The following MINDY4 variants were observed in gnomAD, a reference collection of about 807,000 sequenced individuals.
MINDY4 encodes the protein MINDY lysine 48 deubiquitinase 4, also known as probable ubiquitin carboxyl-terminal hydrolase MINDY-4.
In MINDY4, 68 loss-of-function variants were observed where a neutral mutation model predicts 87.0. The observed-to-expected ratio is 0.78, with a 90% CI of 0.64 to 0.96. The LOEUF (loss-of-function observed/expected upper bound fraction) is 0.96, where lower values mean the gene tolerates loss of function less well. Ranked by LOEUF, MINDY4 falls within the 40% of genes least tolerant of loss-of-function variation. The pLI, the probability that MINDY4 is intolerant of heterozygous loss-of-function variation, is 0.00. For synonymous variants in MINDY4, 379 were observed against 363.2 expected, an observed-to-expected ratio of 1.04 and a Z score of -0.50; for missense variants, 919 against 928.2, an observed-to-expected ratio of 0.99 and a Z score of 0.13.
In MINDY4 at chr7:30,875,551, G is replaced by C. The variant is rs1562563466; in HGVS notation, c.1866G>C (p.Val622=). The C allele has an allele frequency of 1.2e-6, 2 of 1,614,224 alleles. No homozygotes were observed. The highest frequency in any genetic ancestry group is 1.7e-6 in the Non-Finnish European group (2 of 1,180,046). Residue 622 remains valine, a synonymous_variant, in exon 15 of 18, where the codon GTG becomes GTC. Coordinates refer to ENST00000265299, the MANE Select transcript of MINDY4 (RefSeq NM_032222.3). Reference sequence around the variant, plus strand: ...CTGTGTCCAACGTTTTCAACGATGTGGTTGAGCTGGATTCTGGGGATGGGA... The same window carrying C: ...CTGTGTCCAACGTTTTCAACGATGTCGTTGAGCTGGATTCTGGGGATGGGA... ...GKAVSNVFND[V]VELDSGDGNI...
intron 9 of MINDY4, among the ~76,000 whole-genome samples, chr7:30,846,200 C>T (rs544371148): frequency 6.6e-6 from 1 of 152,160 alleles, no homozygotes; most frequent in Non-Finnish European, 1.5e-5. Context: ...CTTTCTACCC[C>T]CTATTGCAGC....
At chr7:30,878,207 G>A (rs1038297625) in intron 15 of MINDY4, among the ~76,000 whole-genome samples, 7 of 152,088 alleles carry the variant, frequency 4.6e-5, no homozygotes, top group African/African-American at 4.8e-5. Context: ...GGGCCATGAC[G>A]TCCGCAGCGT....
chr7:30,891,086 A>G (rs965966972), intron 17 of MINDY4, among the ~76,000 whole-genome samples: 1 of 152,208 alleles, frequency 6.6e-6, no homozygotes, highest in African/African-American at 2.4e-5. Context: ...TACTTTGAAA[A>G]GCATTTATGA....
At chr7:30,831,700 T>C (rs567563826) in intron 6 of MINDY4, among the ~76,000 whole-genome samples, 2 of 152,246 alleles carry the variant, frequency 1.3e-5, no homozygotes, top group South Asian at 2.1e-4. Context: ...TTGTGGTCAG[T>C]AGGAAATTCT....
chr7:30,819,333 A>G (rs1788253209), intron 5 of MINDY4, among the ~76,000 whole-genome samples: 1 of 152,190 alleles, frequency 6.6e-6, no homozygotes, highest in Non-Finnish European at 1.5e-5. Flanking sequence ...TAGAGGAGCT[A>G]TCTCTTTATC....
intron 5 of MINDY4, among the ~76,000 whole-genome samples, chr7:30,792,921 T>G (rs1787367385): frequency 6.6e-6 from 1 of 151,944 alleles, no homozygotes; most frequent in South Asian, 2.1e-4. Context: ...ATTCTCAGCC[T>G]TCTTCTTTTG....
rs144436645 is a variant in MINDY4, at chr7:30,885,706, A to ACC, written c.2225+2722_2225+2723dup. Among the ~76,000 whole-genome samples the ACC allele has an allele frequency of 6.9e-3, 856 of 123,950 alleles. 7 individuals are homozygous for ACC. Among genetic ancestry groups the ACC allele is most frequent in the African/African-American group, 0.024 (797 of 32,652 alleles). The allele number at this position is 123,950 out of a possible 152,430, so 81.3% of individuals were successfully genotyped here. A position where few individuals can be genotyped will look rare whatever the true frequency, so the allele number is the denominator to read the frequency against. ...TGAGAACCAGGTAAGGGCAGTGCCCACCCCCCCCCCAACCCTGCTGCCTTG... is the reference window on the plus strand; with the variant it reads ...TGAGAACCAGGTAAGGGCAGTGCCCACCCCCCCCCCCCAACCCTGCTGCCTTG... On this transcript the variant is annotated intron_variant, in intron 17 of 17. Transcript: ENST00000265299.
At chr7:30,866,976 G>A (rs973212446) in intron 13 of MINDY4, among the ~76,000 whole-genome samples, 1 of 152,200 alleles carries the variant, frequency 6.6e-6, no homozygotes, top group African/African-American at 2.4e-5. Context: ...TTTGAGAATG[G>A]AAACAATTTT....
At chr7:30,823,232 T>C (rs971660517) in intron 5 of MINDY4, among the ~76,000 whole-genome samples, 3 of 152,190 alleles carry the variant, frequency 2.0e-5, no homozygotes, top group Non-Finnish European at 4.4e-5. Context: ...CTTTTGCAAT[T>C]AATAAGTAAT....
intron 9 of MINDY4, among the ~76,000 whole-genome samples, chr7:30,847,908 T>G (rs1442270268): frequency 6.6e-6 from 1 of 152,160 alleles, no homozygotes; most frequent in Non-Finnish European, 1.5e-5. Flanking sequence ...GCTGATTTTT[T>G]GATTTTTCTA....
intron 13 of MINDY4, among the ~76,000 whole-genome samples, chr7:30,860,289 G>A (rs951046360): frequency 6.6e-6 from 1 of 152,280 alleles, no homozygotes; most frequent in Middle Eastern, 3.4e-3. Flanking sequence ...GTTTCCAGGG[G>A]CCTCTGCTGT....
chr7:30,842,120 A>G (rs542692904), intron 9 of MINDY4, among the ~76,000 whole-genome samples: 61 of 152,308 alleles, frequency 4.0e-4, no homozygotes, highest in African/African-American at 1.2e-3. Context: ...ATTTTTTCCA[A>G]TGGTTTTGCA....
chr7:30,799,703 GTTTTAACAAGC>G (rs1417156936), intron 5 of MINDY4, among the ~76,000 whole-genome samples: 1 of 152,212 alleles, frequency 6.6e-6, no homozygotes, highest in Non-Finnish European at 1.5e-5. Context: ...AGGAATCTGG[GTTTTAACAAGC>G]TTTTTAGGTG....
At chr7:30,778,604 C>A in intron 2 of MINDY4, 53 bp downstream of exon 2, 1 of 1,606,454 alleles carries the variant, frequency 6.2e-7, no homozygotes, top group Non-Finnish European at 8.5e-7. Context: ...TTTGGCACTG[C>A]CAAAGCACTC....
At chr7:30,857,358 C>A (rs930412382) in intron 12 of MINDY4, among the ~76,000 whole-genome samples, 1 of 151,874 alleles carries the variant, frequency 6.6e-6, no homozygotes, top group Non-Finnish European at 1.5e-5. Flanking sequence ...AAGGAGCCTG[C>A]ATTTCTGTCA....
intron 2 of MINDY4, chr7:30,780,531 C>T (rs1168155374): frequency 3.9e-5 from 6 of 152,090 alleles, no homozygotes; most frequent in East Asian, 1.9e-4. Flanking sequence ...TACAATGAAT[C>T]GGAGTGTATA....
At chr7:30,832,355 T>C (rs184798894) in intron 6 of MINDY4, among the ~76,000 whole-genome samples, 44 of 152,344 alleles carry the variant, frequency 2.9e-4, no homozygotes, top group African/African-American at 9.6e-4. Flanking sequence ...AGTCCTCCAG[T>C]AATCTGGAAT....
chr7:30,774,812 C>T (rs1786759064), intron 1 of MINDY4, among the ~76,000 whole-genome samples: 1 of 151,948 alleles, frequency 6.6e-6, no homozygotes. Context: ...GTTTCTCTGT[C>T]CTGTGCACTC....
intron 5 of MINDY4, among the ~76,000 whole-genome samples, chr7:30,808,899 G>A (rs1787897591): frequency 6.6e-6 from 1 of 151,636 alleles, no homozygotes; most frequent in Non-Finnish European, 1.5e-5. Context: ...GAGAGAGAAA[G>A]AGGAAGAGAC....
Sources: allele counts gnomAD v4.1 joint callset (sites outside exome capture counted in the v4.1 genomes callset), GRCh38; gene constraint gnomAD v4.1.1; transcripts MANE v1.5; gene names NCBI Gene and HGNC (gene_info 2026-07-23, HGNC 2026-07-21).